ANKRD44: variants seen among roughly 807,000 people sequenced by gnomAD.
The protein encoded by ANKRD44 is serine/threonine-protein phosphatase 6 regulatory ankyrin repeat subunit B.
ANKRD44 carries 35 observed loss-of-function variants against 116.0 expected under a neutral mutation model. The ratio of observed to expected loss-of-function variants is 0.30; its 90% CI spans 0.23 to 0.40. ANKRD44 has a LOEUF of 0.40. Among genes scored for constraint, ANKRD44 ranks in the 10% least tolerant of loss-of-function variants. The pLI, the probability that ANKRD44 is intolerant of heterozygous loss-of-function variation, is 1.00. For missense variants in ANKRD44, 1,014 were observed against 1,242.6 expected, an observed-to-expected ratio of 0.82 and a Z score of 2.77; for synonymous variants, 435 against 461.8, an observed-to-expected ratio of 0.94 and a Z score of 0.74.
chr2:197,290,921 C>T (rs2083549159), intron 1 of ANKRD44, among the ~76,000 whole-genome samples: 1 of 151,782 alleles, frequency 6.6e-6, no homozygotes, highest in South Asian at 2.1e-4. Context: ...TAATGTAGTA[C>T]ATTTGTGCCA....
At chr2:197,223,315 G>T (rs1360036773) in intron 1 of ANKRD44, among the ~76,000 whole-genome samples, 1 of 152,010 alleles carries the variant, frequency 6.6e-6, no homozygotes, top group Non-Finnish European at 1.5e-5. Flanking sequence ...ATCCCATGTA[G>T]GTTTTTAAAT....
chr2:197,219,543 A>T (rs2081537086), intron 1 of ANKRD44, among the ~76,000 whole-genome samples: 1 of 152,162 alleles, frequency 6.6e-6, no homozygotes, highest in South Asian at 2.1e-4. Context: ...TGACTAATAA[A>T]TGCATCATAT....
chr2:196,985,488 G>T (rs1204193037), downstream of ANKRD44, among the ~76,000 whole-genome samples: 1 of 152,162 alleles, frequency 6.6e-6, no homozygotes, highest in African/African-American at 2.4e-5. Flanking sequence ...TGAATAAGAA[G>T]GGAGGCAGGG....
At chr2:196,972,898 AT>A (rs1242949649) in intron 21 of ANKRD44, among the ~76,000 whole-genome samples, 2 of 152,222 alleles carry the variant, frequency 1.3e-5, no homozygotes, top group Non-Finnish European at 2.9e-5. Context: ...TATCATTCAC[AT>A]TTAGCATCCC....
Position 196,998,961 on chromosome 2 carries a change from A to G in ANKRD44, c.2611T>C (p.Ser871Pro). 2 of 1,614,216 alleles carry G rather than the reference A, an allele frequency of 1.2e-6. No individual in the cohort carries two copies. The highest frequency in any genetic ancestry group is 1.7e-6 in the Non-Finnish European group (2 of 1,180,032). ...HSAPVNAVDN[S>P]GKTALMMAAE... ...GCCATCATCAGTGCTGTTTTCCCTG[A>G]ATTATCTACTGCGTTCACTGGAGCA... Residue 871 changes from serine (S) to proline (P), a missense_variant, in exon 24 of 28, where the codon TCA becomes CCA. Coordinates refer to ENST00000282272, the MANE Select transcript of ANKRD44 (RefSeq NM_001195144.2).
intron 2 of ANKRD44, among the ~76,000 whole-genome samples, chr2:197,182,515 G>A (rs1007316411): frequency 6.6e-6 from 1 of 152,206 alleles, no homozygotes; most frequent in Non-Finnish European, 1.5e-5. Context: ...ATAAAGTAGG[G>A]TTGAGTCATT....
intron 1 of ANKRD44, among the ~76,000 whole-genome samples, chr2:197,228,984 G>A (rs1413179034): frequency 1.3e-5 from 2 of 152,170 alleles, no homozygotes; most frequent in East Asian, 1.9e-4. Context: ...ACAGTGAGCA[G>A]AGATTGTGCC....
chr2:197,273,999 A>ATC (rs1559208561), intron 1 of ANKRD44, among the ~76,000 whole-genome samples: 2 of 65,258 alleles, frequency 3.1e-5, no homozygotes, highest in African/African-American at 8.2e-5. Context: ...ATATATATAT[A>ATC]TATATATATA....
intron 16 of ANKRD44, among the ~76,000 whole-genome samples, chr2:197,065,865 G>A (rs1013573951): frequency 1.3e-5 from 2 of 152,190 alleles, no homozygotes; most frequent in Non-Finnish European, 2.9e-5. Context: ...GAGGTACAAG[G>A]AGGAGCTGGT....
intron 17 of ANKRD44, among the ~76,000 whole-genome samples, chr2:197,017,730 A>G (rs1326216420): frequency 6.6e-6 from 1 of 152,222 alleles, no homozygotes; most frequent in Non-Finnish European, 1.5e-5. Flanking sequence ...CTCCATCTGC[A>G]GCCTTTACCA....
At chr2:197,275,499 C>T (rs2083051723) in intron 1 of ANKRD44, among the ~76,000 whole-genome samples, 1 of 150,880 alleles carries the variant, frequency 6.6e-6, no homozygotes, top group Non-Finnish European at 1.5e-5. Context: ...ATGCCATTTA[C>T]TTCAAGTATT....
chr2:197,141,168 G>C (rs1398781147), intron 3 of ANKRD44, among the ~76,000 whole-genome samples: 1 of 152,158 alleles, frequency 6.6e-6, no homozygotes, highest in Admixed American at 6.5e-5. Context: ...AGTGAGCCGA[G>C]ATCATGCCAC....
At chr2:197,152,566 T>A (rs536770417) in intron 2 of ANKRD44, among the ~76,000 whole-genome samples, 1 of 152,254 alleles carries the variant, frequency 6.6e-6, no homozygotes, top group East Asian at 1.9e-4. Flanking sequence ...TTGCAGTATG[T>A]CTCAGAGAGA....
At chr2:197,220,666 A>G (rs774927911) in intron 1 of ANKRD44, among the ~76,000 whole-genome samples, 1 of 152,138 alleles carries the variant, frequency 6.6e-6, no homozygotes, top group Non-Finnish European at 1.5e-5. Context: ...TTATAAGCAC[A>G]CTCTCAGCTA....
At chr2:197,310,346 G>C (rs1030793899) in intron 1 of ANKRD44, among the ~76,000 whole-genome samples, 10 of 129,500 alleles carry the variant, frequency 7.7e-5, no homozygotes, top group African/African-American at 2.0e-4. Flanking sequence ...CAGCGCCCAC[G>C]GGCCCTGCCC....
intron 1 of ANKRD44, among the ~76,000 whole-genome samples, chr2:197,287,189 G>T (rs563894515): frequency 1.3e-5 from 2 of 151,948 alleles, no homozygotes; most frequent in Admixed American, 6.6e-5. Context: ...TGGGGACAGG[G>T]GTATATGGAA....
chr2:197,053,154 G>A (rs1288802017), intron 16 of ANKRD44, among the ~76,000 whole-genome samples: 1 of 152,112 alleles, frequency 6.6e-6, no homozygotes, highest in African/African-American at 2.4e-5. Context: ...CTTGGCAACA[G>A]AGCGAGATTC....
At chr2:197,028,789 G>A (rs2076647034) in intron 16 of ANKRD44, 1 of 214,226 alleles carries the variant, frequency 4.7e-6, no homozygotes, top group Non-Finnish European at 9.2e-6. Flanking sequence ...TCTCGGTAGT[G>A]CTGCCTTTTT....
intron 2 of ANKRD44, among the ~76,000 whole-genome samples, chr2:197,161,624 A>G (rs1021754742): frequency 1.3e-5 from 2 of 152,128 alleles, no homozygotes; most frequent in Non-Finnish European, 2.9e-5. Flanking sequence ...ATATATTTGG[A>G]TGGTTTGCTT....
Sources: allele counts gnomAD v4.1 joint callset (sites outside exome capture counted in the v4.1 genomes callset), GRCh38; gene constraint gnomAD v4.1.1; transcripts MANE v1.5; gene names NCBI Gene and HGNC (gene_info 2026-07-23, HGNC 2026-07-21).